PDE7B: variants seen among roughly 807,000 people sequenced by gnomAD.
PDE7B encodes the protein phosphodiesterase 7B.
In PDE7B, 29 loss-of-function variants were observed where a neutral mutation model predicts 56.2. The ratio of observed to expected loss-of-function variants is 0.52; its 90% CI spans 0.38 to 0.70. The LOEUF (loss-of-function observed/expected upper bound fraction) is 0.70, where lower values mean the gene tolerates loss of function less well. Ranked by LOEUF, PDE7B falls within the 30% of genes least tolerant of loss-of-function variation. PDE7B has a pLI of 0.00. For synonymous variants in PDE7B, 197 were observed against 196.9 expected, an observed-to-expected ratio of 1.00 and a Z score of 0.00; for missense variants, 490 against 565.0, an observed-to-expected ratio of 0.87 and a Z score of 1.35.
chr6:135,868,856 T>C (rs922261175), intron 1 of PDE7B, among the ~76,000 whole-genome samples: 1 of 152,254 alleles, frequency 6.6e-6, no homozygotes. Context: ...TTGTCTTGTT[T>C]AGTATGTCCG....
intron 6 of PDE7B, 98 bp downstream of exon 6, chr6:136,151,353 A>T: frequency 1.5e-6 from 1 of 648,466 alleles, no homozygotes; most frequent in Non-Finnish European, 2.8e-6. Context: ...AGGATGATAG[A>T]TGCATACCTC....
At chr6:136,098,133 T>TTG (rs1410487079) in intron 2 of PDE7B, 2 of 51,330 alleles carry the variant, frequency 3.9e-5, no homozygotes, top group Non-Finnish European at 9.2e-5. Flanking sequence ...CTTTAGTTCC[T>TTG]GGGGGGGGGG....
At chr6:135,931,680 G>A (rs1774293549) in intron 1 of PDE7B, among the ~76,000 whole-genome samples, 1 of 152,110 alleles carries the variant, frequency 6.6e-6, no homozygotes, top group Non-Finnish European at 1.5e-5. Context: ...AAATAAATGA[G>A]AGATTTTTCA....
intron 2 of PDE7B, among the ~76,000 whole-genome samples, chr6:136,019,383 A>T (rs556265034): frequency 6.7e-6 from 1 of 148,248 alleles, no homozygotes; most frequent in Non-Finnish European, 1.5e-5. Context: ...AGTACAGCTG[A>T]AAAAAAAAGA....
intron 3 of PDE7B, among the ~76,000 whole-genome samples, chr6:136,121,411 T>C (rs1428743657): frequency 1.3e-5 from 2 of 152,222 alleles, no homozygotes; most frequent in East Asian, 3.8e-4. Context: ...TTCTACCACA[T>C]TAGCTTTATT....
intron 1 of PDE7B, among the ~76,000 whole-genome samples, chr6:135,910,539 C>T (rs1362322469): frequency 6.6e-6 from 1 of 152,146 alleles, no homozygotes. Flanking sequence ...TATCCACATC[C>T]CCCACCAAAG....
intron 1 of PDE7B, among the ~76,000 whole-genome samples, chr6:135,925,929 C>G (rs1251085795): frequency 1.3e-5 from 2 of 152,056 alleles, no homozygotes; most frequent in East Asian, 3.9e-4. Context: ...ATTTCCCTCA[C>G]CCATCGCTAG....
intron 2 of PDE7B, among the ~76,000 whole-genome samples, chr6:136,065,915 T>C (rs1776927568): frequency 1.3e-5 from 2 of 152,160 alleles, no homozygotes; most frequent in African/African-American, 4.8e-5. Flanking sequence ...AATGTGAAAA[T>C]AGTATTTCCC....
At chr6:136,064,458 C>G (rs1315527448) in intron 2 of PDE7B, 1 of 152,152 alleles carries the variant, frequency 6.6e-6, no homozygotes. Flanking sequence ...CCGTAGGAGA[C>G]CACTTAGGCT....
intron 1 of PDE7B, among the ~76,000 whole-genome samples, chr6:135,908,689 T>C (rs1030337427): frequency 6.6e-6 from 1 of 152,172 alleles, no homozygotes; most frequent in Non-Finnish European, 1.5e-5. Flanking sequence ...TGGAGGAAAC[T>C]TGAAAATCTA....
rs551477765 is a variant in PDE7B at position 135,977,676 on chromosome 6, G to C, written c.82+30152G>C. Among the ~76,000 whole-genome samples, 5 of 152,236 alleles carry C rather than the reference G, an allele frequency of 3.3e-5. No homozygotes were observed. In the East Asian group the frequency reaches 7.7e-4, roughly 23 times the overall value. On this transcript the variant is annotated intron_variant, in intron 2 of 12. Transcript: ENST00000308191. Reference sequence around the variant, plus strand: ...AGAGCTGCCTAGGCCAAGAACAGGAGCAATAAAGAGGCTGAGGTAGGAAAG... The same window carrying C: ...AGAGCTGCCTAGGCCAAGAACAGGACCAATAAAGAGGCTGAGGTAGGAAAG...
chr6:135,893,037 A>G (rs1226357970), intron 1 of PDE7B, among the ~76,000 whole-genome samples: 1 of 152,024 alleles, frequency 6.6e-6, no homozygotes, highest in Admixed American at 6.6e-5. Context: ...TTAGATTTCT[A>G]CCAAATTGTA....
chr6:136,011,565 C>G (rs991388537), intron 2 of PDE7B, among the ~76,000 whole-genome samples: 1 of 152,198 alleles, frequency 6.6e-6, no homozygotes, highest in Non-Finnish European at 1.5e-5. Context: ...AAATGTGGAT[C>G]TTGGCCTCTT....
intron 1 of PDE7B, among the ~76,000 whole-genome samples, chr6:135,867,074 A>G (rs1249349640): frequency 6.6e-6 from 1 of 152,166 alleles, no homozygotes; most frequent in Non-Finnish European, 1.5e-5. Context: ...CAGCTAATAA[A>G]TGTAAAATAT....
At chr6:136,182,603 C>T (rs1779083905) in intron 11 of PDE7B, among the ~76,000 whole-genome samples, 1 of 152,216 alleles carries the variant, frequency 6.6e-6, no homozygotes, top group Non-Finnish European at 1.5e-5. Flanking sequence ...GTACACAAGT[C>T]AGCATCGACT....
intron 2 of PDE7B, among the ~76,000 whole-genome samples, chr6:135,962,489 CT>C (rs911214408): frequency 6.6e-6 from 1 of 151,934 alleles, no homozygotes; most frequent in Admixed American, 6.6e-5. Flanking sequence ...TTTTATTTCC[CT>C]TTTTTTGTCT....
intron 3 of PDE7B, among the ~76,000 whole-genome samples, chr6:136,131,823 G>T (rs1250309244): frequency 6.6e-6 from 1 of 152,060 alleles, no homozygotes; most frequent in Non-Finnish European, 1.5e-5. Flanking sequence ...TTGCTATGAA[G>T]TTATTTCTCT....
intron 2 of PDE7B, among the ~76,000 whole-genome samples, chr6:135,995,735 A>G (rs1292042322): frequency 6.6e-6 from 1 of 152,240 alleles, no homozygotes; most frequent in East Asian, 1.9e-4. Context: ...AGCCTTGCCC[A>G]TATCCATTAA....
intron 1 of PDE7B, among the ~76,000 whole-genome samples, chr6:135,931,796 A>G (rs540138983): frequency 6.6e-6 from 1 of 152,164 alleles, no homozygotes; most frequent in Non-Finnish European, 1.5e-5. Context: ...GGCAATATAC[A>G]TGTGTGTACA....
Sources: gnomAD v4.1 joint callset for allele counts (sites outside exome capture counted in the v4.1 genomes callset) on GRCh38, gnomAD v4.1.1 for gene constraint, MANE v1.5 for transcripts, NCBI Gene and HGNC (gene_info 2026-07-23, HGNC 2026-07-21) for gene names.